ABCA13: variants seen among roughly 807,000 people sequenced by gnomAD.
ABCA13 encodes ATP-binding cassette sub-family A member 13.
ABCA13 carries 476 observed loss-of-function variants against 478.7 expected under a neutral mutation model. That is an observed-to-expected ratio of 0.99 (90% confidence interval 0.92 to 1.07). The LOEUF is 1.07. ABCA13 is among the 50% of genes least tolerant of loss of function. ABCA13 has a pLI of 0.00. For synonymous variants in ABCA13, 2,252 were observed against 2,158.9 expected (o/e 1.04, Z -1.20); for missense variants, 6,060 against 5,910.6 (o/e 1.03, Z -0.83).
chr7:48,270,590 T>G (rs1453080139), intron 16 of ABCA13, among the ~76,000 whole-genome samples: 2 of 152,200 alleles, frequency 1.3e-5, no homozygotes, highest in Non-Finnish European at 2.9e-5. Flanking sequence ...TTCCCTTTTC[T>G]GATGGGATTT....
In ABCA13 at chr7:48,547,105, T is replaced by C. The variant is rs950269237; in HGVS notation, c.14354+18760T>C. 2.0e-5 allele frequency among the ~76,000 whole-genome samples: 3 copies of C among 151,924 alleles called. 1 individual carries two copies. Among genetic ancestry groups the C allele is most frequent in the Non-Finnish European group, 4.4e-5 (3 of 67,892 alleles). ...CCTCTATGTTTGTATGTATCAATTA[T>C]CTGTCTGCATGTACACATGCTTGCA... On this transcript the variant is annotated intron_variant, in intron 55 of 61. Coordinates refer to ENST00000435803, the MANE Select transcript of ABCA13 (RefSeq NM_152701.5).
At chr7:48,265,008 G>A (rs1584506688) in intron 15 of ABCA13, among the ~76,000 whole-genome samples, 1 of 151,504 alleles carries the variant, frequency 6.6e-6, no homozygotes, top group African/African-American at 2.4e-5. Context: ...TTGCATAAGG[G>A]GACCTAATTA....
At chr7:48,230,043 CAAA>C in intron 7 of ABCA13, 88 bp downstream of exon 7, 1 of 1,366,972 alleles carries the variant, frequency 7.3e-7, no homozygotes, top group South Asian at 1.7e-5. Context: ...AAATGATGTT[CAAA>C]ATGATTTAAT....
chr7:48,564,956 A>G (rs571430065), intron 55 of ABCA13, among the ~76,000 whole-genome samples: 1 of 152,238 alleles, frequency 6.6e-6, no homozygotes, highest in South Asian at 2.1e-4. Flanking sequence ...GATTTGGTAA[A>G]GGAGTTCTAA....
intron 42 of ABCA13, among the ~76,000 whole-genome samples, chr7:48,446,234 T>C (rs1824282089): frequency 6.6e-6 from 1 of 152,164 alleles, no homozygotes; most frequent in Non-Finnish European, 1.5e-5. Flanking sequence ...CCAAGTTCCT[T>C]GATTTAGATG....
chr7:48,429,607 T>A (rs1821871634), intron 42 of ABCA13, among the ~76,000 whole-genome samples: 1 of 152,214 alleles, frequency 6.6e-6, no homozygotes, highest in East Asian at 1.9e-4. Context: ...AGATTTTTTG[T>A]CCATTATTAA....
At chr7:48,495,319 T>C (rs896017342) in intron 48 of ABCA13, among the ~76,000 whole-genome samples, 2 of 152,214 alleles carry the variant, frequency 1.3e-5, no homozygotes, top group African/African-American at 2.4e-5. Context: ...TCAAAACATG[T>C]TGTTTAAATT....
intron 4 of ABCA13, among the ~76,000 whole-genome samples, chr7:48,219,978 T>C (rs1053568242): frequency 1.3e-5 from 2 of 151,782 alleles, no homozygotes; most frequent in African/African-American, 2.4e-5. Flanking sequence ...GATTGGTCTT[T>C]TCCATGTTAG....
At chr7:48,468,700 A>G (rs1212004722) in intron 44 of ABCA13, among the ~76,000 whole-genome samples, 2 of 152,244 alleles carry the variant, frequency 1.3e-5, no homozygotes, top group Admixed American at 6.5e-5. Flanking sequence ...AGACTTGGGC[A>G]ATCACTTGAT....
intron 43 of ABCA13, among the ~76,000 whole-genome samples, chr7:48,457,046 T>G (rs1347706008): frequency 6.6e-6 from 1 of 152,128 alleles, no homozygotes; most frequent in Non-Finnish European, 1.5e-5. Flanking sequence ...TACTATATGC[T>G]AGCTACTGTT....
chr7:48,442,860 G>A (rs1333625483), intron 42 of ABCA13, among the ~76,000 whole-genome samples: 4 of 152,178 alleles, frequency 2.6e-5, no homozygotes, highest in Non-Finnish European at 4.4e-5. Flanking sequence ...ATAAGTTATG[G>A]GGCTATTCTC....
chr7:48,172,561 C>G (rs932989713), intron 1 of ABCA13, among the ~76,000 whole-genome samples: 1 of 151,730 alleles, frequency 6.6e-6, no homozygotes, highest in Non-Finnish European at 1.5e-5. Context: ...TTTGGGAGGC[C>G]GAGGCGGGCG....
chr7:48,576,366 G>A (rs1788184968), intron 55 of ABCA13, among the ~76,000 whole-genome samples: 1 of 152,108 alleles, frequency 6.6e-6, no homozygotes, highest in Non-Finnish European at 1.5e-5. Flanking sequence ...AGCCTTGGGG[G>A]CTCCTCACTG....
chr7:48,371,700 G>A (rs1016084118), intron 32 of ABCA13, among the ~76,000 whole-genome samples: 5 of 152,032 alleles, frequency 3.3e-5, no homozygotes, highest in African/African-American at 1.2e-4. Flanking sequence ...TGAGACGATG[G>A]GGTTTTCTAG....
At chr7:48,355,150 A>G (rs1259400367) in intron 31 of ABCA13, among the ~76,000 whole-genome samples, 1 of 149,282 alleles carries the variant, frequency 6.7e-6, no homozygotes, top group Non-Finnish European at 1.5e-5. Context: ...ATTGAATGAT[A>G]GGAAGCAGGA....
At chr7:48,181,376 G>T (rs1463017121) in intron 1 of ABCA13, among the ~76,000 whole-genome samples, 1 of 151,786 alleles carries the variant, frequency 6.6e-6, no homozygotes, top group Non-Finnish European at 1.5e-5. Flanking sequence ...TTGACAGTTT[G>T]TATATCTTAA....
In ABCA13 at chr7:48,508,065, G is replaced by A; in HGVS notation, c.13524+16G>A. 1 of 1,613,756 alleles carries A rather than the reference G, an allele frequency of 6.2e-7. No homozygotes were observed. Among genetic ancestry groups the A allele is most frequent in the Non-Finnish European group, 8.5e-7 (1 of 1,179,768 alleles). On this transcript the variant is annotated intron_variant, in intron 50 of 61. Coordinates refer to ENST00000435803, the MANE Select transcript of ABCA13 (RefSeq NM_152701.5). Reference sequence around the variant, plus strand: ...ATATGACATGGTAGGATTTGGGAATGAGATTCTGTGTGCCTCCACAATAGT... The same window carrying A: ...ATATGACATGGTAGGATTTGGGAATAAGATTCTGTGTGCCTCCACAATAGT...
intron 15 of ABCA13, among the ~76,000 whole-genome samples, chr7:48,265,627 A>G (rs1794769380): frequency 6.6e-6 from 1 of 151,628 alleles, no homozygotes; most frequent in Non-Finnish European, 1.5e-5. Context: ...TTGTAAATTC[A>G]TCTTGTATCA....
intron 55 of ABCA13, among the ~76,000 whole-genome samples, chr7:48,541,838 TAATA>T (rs1175733322): frequency 6.6e-6 from 1 of 150,580 alleles, no homozygotes; most frequent in Non-Finnish European, 1.5e-5. Flanking sequence ...CATATTTTTA[TAATA>T]AATATTATTG....
Sources: allele counts gnomAD v4.1 joint callset (sites outside exome capture counted in the v4.1 genomes callset), GRCh38; gene constraint gnomAD v4.1.1; transcripts MANE v1.5; gene names NCBI Gene and HGNC (gene_info 2026-07-23, HGNC 2026-07-21).